TMEM132D: variants seen among roughly 807,000 people sequenced by gnomAD.
The protein encoded by TMEM132D is mature OL transmembrane protein.
TMEM132D carries 21 observed loss-of-function variants against 62.3 expected under a neutral mutation model. That is an observed-to-expected ratio of 0.34 (90% CI 0.24 to 0.49). TMEM132D has a LOEUF of 0.49. Ranked by LOEUF, TMEM132D falls within the 20% of genes least tolerant of loss-of-function variation. The probability of loss-of-function intolerance (pLI) is 0.99; values close to 1 mark genes in which losing one functional copy is unlikely to be tolerated. For missense variants in TMEM132D, 1,346 were observed against 1,402.8 expected, an observed-to-expected ratio of 0.96 and a Z score of 0.65; for synonymous variants, 621 against 575.6, an observed-to-expected ratio of 1.08 and a Z score of -1.13.
At chr12:129,233,551 T>C (rs1446539939) in intron 4 of TMEM132D, among the ~76,000 whole-genome samples, 28 of 152,234 alleles carry the variant, frequency 1.8e-4, no homozygotes, top group Non-Finnish European at 2.9e-5. Flanking sequence ...GGTGATTATG[T>C]CAATGTAACA....
chr12:129,394,873 G>T (rs933771134), intron 3 of TMEM132D, among the ~76,000 whole-genome samples: 1 of 152,180 alleles, frequency 6.6e-6, no homozygotes, highest in African/African-American at 2.4e-5. Flanking sequence ...TCTTTTGGGG[G>T]TGACAGAAAG....
At chr12:129,471,515 G>A (rs1874092154) in intron 3 of TMEM132D, among the ~76,000 whole-genome samples, 1 of 151,988 alleles carries the variant, frequency 6.6e-6, no homozygotes, top group African/African-American at 2.4e-5. Flanking sequence ...CTCTCCTCGG[G>A]CCTTCCTATT....
chr12:129,808,494 A>G (rs1481990426), intron 1 of TMEM132D, among the ~76,000 whole-genome samples: 1 of 152,236 alleles, frequency 6.6e-6, no homozygotes, highest in Non-Finnish European at 1.5e-5. Flanking sequence ...AACGAAGACC[A>G]AGGAAGTCAC....
chr12:129,351,256 A>G (rs953686838), intron 3 of TMEM132D, among the ~76,000 whole-genome samples: 2 of 152,180 alleles, frequency 1.3e-5, no homozygotes, highest in East Asian at 3.9e-4. Flanking sequence ...ACTCTCTCCC[A>G]TCTAACTGGG....
intron 1 of TMEM132D, among the ~76,000 whole-genome samples, chr12:129,767,998 G>T (rs1009634048): frequency 6.6e-6 from 1 of 151,976 alleles, no homozygotes; most frequent in Non-Finnish European, 1.5e-5. Flanking sequence ...AAAAGCATCA[G>T]ATCTTGTAAG....
intron 3 of TMEM132D, among the ~76,000 whole-genome samples, chr12:129,433,063 G>T (rs977004734): frequency 1.3e-5 from 2 of 152,154 alleles, no homozygotes; most frequent in African/African-American, 4.8e-5. Context: ...TACTCAACAT[G>T]ATGTCTCTGA....
At chr12:129,603,407 T>C (rs866215841) in intron 2 of TMEM132D, among the ~76,000 whole-genome samples, 4 of 152,206 alleles carry the variant, frequency 2.6e-5, no homozygotes, top group African/African-American at 9.6e-5. Flanking sequence ...CATGTAGTCT[T>C]TTCTAATGGC....
chr12:129,259,176 C>A (rs1593314334), intron 4 of TMEM132D, among the ~76,000 whole-genome samples: 1 of 152,146 alleles, frequency 6.6e-6, no homozygotes, highest in South Asian at 2.1e-4. Context: ...GAGTCATTTC[C>A]CAGAGAAGGT....
At chr12:129,581,379 A>G (rs1435610139) in intron 2 of TMEM132D, among the ~76,000 whole-genome samples, 2 of 152,186 alleles carry the variant, frequency 1.3e-5, no homozygotes. Flanking sequence ...ATTAAGGAGT[A>G]TTGACTCATA....
intron 2 of TMEM132D, among the ~76,000 whole-genome samples, chr12:129,554,632 C>A (rs1235796736): frequency 2.0e-5 from 3 of 152,154 alleles, no homozygotes; most frequent in African/African-American, 7.2e-5. Context: ...TCTACTGTCA[C>A]CTCTTACACA....
chr12:129,244,731 C>T (rs1177907975), intron 4 of TMEM132D, among the ~76,000 whole-genome samples: 4 of 152,158 alleles, frequency 2.6e-5, no homozygotes, highest in East Asian at 3.9e-4. Flanking sequence ...ATCTCCACTA[C>T]CCAGGTTCAA....
intron 1 of TMEM132D, among the ~76,000 whole-genome samples, chr12:129,832,063 T>G (rs1297230739): frequency 9.2e-6 from 1 of 108,544 alleles, no homozygotes; most frequent in Non-Finnish European, 2.0e-5. Context: ...TTTTTTTTTG[T>G]ATTTTAGTAG....
In TMEM132D at chr12:129,516,476, T is replaced by C. The variant is rs139424356; in HGVS notation, c.1115+14583A>G. 4.7e-3 allele frequency among the ~76,000 whole-genome samples: 714 copies of C among 152,276 alleles called. 30 individuals are homozygous for C. The South Asian group carries it at 0.094, about 20-fold the overall frequency. Reference sequence around the variant, plus strand: ...ATGGCAGAAGGTGAAAGGCACATCTTACATGGTGGCAGACAGGAGAGAAAA... The same window carrying C: ...ATGGCAGAAGGTGAAAGGCACATCTCACATGGTGGCAGACAGGAGAGAAAA... On this transcript the variant is annotated intron_variant, in intron 3 of 8. Transcript: ENST00000422113.
intron 4 of TMEM132D, among the ~76,000 whole-genome samples, chr12:129,325,566 C>T (rs1274573818): frequency 6.6e-6 from 1 of 152,158 alleles, no homozygotes; most frequent in Non-Finnish European, 1.5e-5. Context: ...CTCACGGATA[C>T]AAGAGAGGAC....
chr12:129,863,753 A>G (rs888986217), intron 1 of TMEM132D, among the ~76,000 whole-genome samples: 4 of 152,218 alleles, frequency 2.6e-5, no homozygotes, highest in Non-Finnish European at 5.9e-5. Context: ...TGCTAGCATC[A>G]GAACATCTAG....
chr12:129,544,057 C>T (rs543823199), intron 2 of TMEM132D, among the ~76,000 whole-genome samples: 7 of 152,274 alleles, frequency 4.6e-5, no homozygotes, highest in Middle Eastern at 3.4e-3. Flanking sequence ...ATAGAACTTG[C>T]GAAATTGACA....
intron 2 of TMEM132D, among the ~76,000 whole-genome samples, chr12:129,669,104 C>T (rs1057232883): frequency 6.6e-6 from 1 of 152,156 alleles, no homozygotes; most frequent in Admixed American, 6.5e-5. Context: ...CTTCATGGAA[C>T]AGAGTTCTAT....
intron 3 of TMEM132D, among the ~76,000 whole-genome samples, chr12:129,427,671 G>A (rs1012356903): frequency 6.6e-6 from 1 of 151,818 alleles, no homozygotes; most frequent in Admixed American, 6.6e-5. Flanking sequence ...AAACTAAAGT[G>A]CACTTTAAAA....
At chr12:129,182,912 G>A (rs1312487581) in intron 5 of TMEM132D, among the ~76,000 whole-genome samples, 1 of 152,202 alleles carries the variant, frequency 6.6e-6, no homozygotes, top group Non-Finnish European at 1.5e-5. Context: ...AGGTTCTTCT[G>A]CTGGCCTTTG....
Sources: gnomAD v4.1 joint callset for allele counts (sites outside exome capture counted in the v4.1 genomes callset) on GRCh38, gnomAD v4.1.1 for gene constraint, MANE v1.5 for transcripts, NCBI Gene and HGNC (gene_info 2026-07-23, HGNC 2026-07-21) for gene names.